DMD: variants seen among roughly 807,000 people sequenced by gnomAD.
DMD encodes dystrophin.
DMD carries 63 observed loss-of-function variants against 330.1 expected under a neutral mutation model. The ratio of observed to expected loss-of-function variants is 0.19; its 90% CI spans 0.16 to 0.24. The LOEUF (loss-of-function observed/expected upper bound fraction) is 0.24. DMD is among the 10% of genes least tolerant of loss of function. The pLI is 1.00. For synonymous variants in DMD, 1,223 were observed against 959.8 expected (o/e 1.27, Z -5.07); for missense variants, 3,344 against 2,684.1 (o/e 1.25, Z -5.43).
intron 7 of DMD, among the ~76,000 whole-genome samples, chrX:32,783,310 A>C (rs1024233332): frequency 3.0e-5 from 3 of 98,398 alleles, no homozygotes; most frequent in Non-Finnish European, 6.1e-5. Context: ...ATGTACACAT[A>C]TATGGTATAT....
intron 51 of DMD, among the ~76,000 whole-genome samples, chrX:31,732,704 C>T (rs1480277763): frequency 9.0e-6 from 1 of 110,937 alleles, no homozygotes; most frequent in Non-Finnish European, 1.9e-5. Context: ...CTATAAAATT[C>T]TGTTCTCTGC....
intron 43 of DMD, among the ~76,000 whole-genome samples, chrX:32,226,189 C>A (rs2097147186): frequency 8.9e-6 from 1 of 111,870 alleles, no homozygotes; most frequent in African/African-American, 3.2e-5. Flanking sequence ...CTCTAACAGA[C>A]AACCTCACTT....
At chrX:32,108,524 G>T (rs2096574967) in intron 44 of DMD, among the ~76,000 whole-genome samples, 2 of 111,604 alleles carry the variant, frequency 1.8e-5, no homozygotes, top group Non-Finnish European at 3.8e-5. Flanking sequence ...CTTTTCCTGA[G>T]GACATGTGAT....
At chrX:32,898,213 T>A (rs1316333743) in intron 2 of DMD, among the ~76,000 whole-genome samples, 2 of 112,014 alleles carry the variant, frequency 1.8e-5, no homozygotes, top group African/African-American at 6.5e-5. Context: ...AAACTGGGAT[T>A]CTGAAGAAGT....
At chrX:32,632,375 T>C (rs893687131) in intron 11 of DMD, among the ~76,000 whole-genome samples, 1 of 110,697 alleles carries the variant, frequency 9.0e-6, no homozygotes, top group African/African-American at 3.3e-5. Flanking sequence ...GATACAAGGG[T>C]CAAGCTGTCA....
intron 41 of DMD, among the ~76,000 whole-genome samples, chrX:32,319,677 T>C (rs1243848135): frequency 1.8e-5 from 2 of 111,271 alleles, no homozygotes; most frequent in Non-Finnish European, 3.8e-5. Flanking sequence ...GTCCTTAAAT[T>C]GTCTTTTAGT....
At chrX:33,312,460 C>T (rs778340571) in intron 1 of DMD, among the ~76,000 whole-genome samples, 44 of 111,375 alleles carry the variant, frequency 4.0e-4, no homozygotes, top group African/African-American at 1.3e-3. Context: ...GTCTTAGAAC[C>T]CAAATACAGC....
intron 2 of DMD, among the ~76,000 whole-genome samples, chrX:32,940,892 A>C: frequency 9.0e-6 from 1 of 111,678 alleles, no homozygotes; most frequent in Non-Finnish European, 1.9e-5. Flanking sequence ...GAAAATCATT[A>C]CAAACTACAT....
intron 3 of DMD, among the ~76,000 whole-genome samples, chrX:32,848,989 G>A (rs908921795): frequency 2.7e-5 from 3 of 111,340 alleles, no homozygotes; most frequent in Non-Finnish European, 5.7e-5. Context: ...ATCTGTGTGT[G>A]TCTGTGTGTG....
intron 9 of DMD, among the ~76,000 whole-genome samples, chrX:32,653,236 G>C (rs1052409631): frequency 8.9e-6 from 1 of 111,964 alleles, no homozygotes; most frequent in Non-Finnish European, 1.9e-5. Flanking sequence ...CCTTACCCAT[G>C]CCTATGTCCT....
intron 45 of DMD, among the ~76,000 whole-genome samples, chrX:31,936,863 T>A: frequency 9.0e-6 from 1 of 111,269 alleles, no homozygotes; most frequent in Non-Finnish European, 1.9e-5. Context: ...ACTGATATTT[T>A]TTCCCCCAGC....
At chrX:32,689,118 AT>A (rs2063090633) in intron 9 of DMD, among the ~76,000 whole-genome samples, 1 of 111,347 alleles carries the variant, frequency 9.0e-6, no homozygotes, top group African/African-American at 3.3e-5. Flanking sequence ...TAAATGATGT[AT>A]TTTGGTTATA....
At chrX:32,035,189 A>G (rs1327182280) in intron 44 of DMD, among the ~76,000 whole-genome samples, 1 of 111,668 alleles carries the variant, frequency 9.0e-6, no homozygotes, top group African/African-American at 3.2e-5. Flanking sequence ...CTGAAATACA[A>G]TTATTTTGCA....
At chrX:32,558,981 C>T (rs1292332404) in intron 16 of DMD, among the ~76,000 whole-genome samples, 13 of 73,822 alleles carry the variant, frequency 1.8e-4, no homozygotes, top group East Asian at 8.2e-4. Context: ...GACGAAGTCT[C>T]GCTCTGTCAT....
intron 78 of DMD, 95 bp from the exon 79 acceptor site, chrX:31,122,025 T>C: frequency 1.4e-6 from 1 of 693,603 alleles, no homozygotes; most frequent in South Asian, 2.2e-5. Context: ...CATTCCCCAT[T>C]TCTGGGTGAA....
chrX:32,779,090 CT>C (rs2074453116), intron 7 of DMD, among the ~76,000 whole-genome samples: 1 of 111,196 alleles, frequency 9.0e-6, no homozygotes, highest in African/African-American at 3.3e-5. Context: ...AAACTGGTGC[CT>C]GTAATAAATT....
At chrX:31,935,570 T>G (rs1033899439) in intron 45 of DMD, among the ~76,000 whole-genome samples, 11 of 111,621 alleles carry the variant, frequency 9.9e-5, no homozygotes, top group Non-Finnish European at 2.1e-4. Flanking sequence ...CTATCTCATC[T>G]TTTTCTCTCT....
rs1027275120 is a variant in DMD at position 33,241,683 on chromosome X, T to C, written c.7+97576A>G. ...CACAGAATACCTTTCCATTTATTTGTGGCTTCTTCAATTGCTTTCATCAAT... is the reference window on the plus strand; with the variant it reads ...CACAGAATACCTTTCCATTTATTTGCGGCTTCTTCAATTGCTTTCATCAAT... On this transcript the variant is annotated intron_variant, in intron 1 of 17. Coordinates refer to the DMD transcript ENST00000288447. Among the ~76,000 whole-genome samples, 75 of 112,243 alleles carry C rather than the reference T, an allele frequency of 6.7e-4. 1 individual carries two copies. The highest frequency in any genetic ancestry group is 2.3e-3 in the African/African-American group (72 of 30,924).
At chrX:32,432,974 A>G (rs1246585932) in intron 29 of DMD, among the ~76,000 whole-genome samples, 1 of 112,186 alleles carries the variant, frequency 8.9e-6, no homozygotes, top group Non-Finnish European at 1.9e-5. Context: ...ATTTCATGTC[A>G]GGCATAACAA....
Sources: gnomAD v4.1 joint callset for allele counts (sites outside exome capture counted in the v4.1 genomes callset) on GRCh38, gnomAD v4.1.1 for gene constraint, MANE v1.5 for transcripts, NCBI Gene and HGNC (gene_info 2026-07-23, HGNC 2026-07-21) for gene names.